The following NRXN1 variants were observed in gnomAD, a reference collection of about 807,000 sequenced individuals.
NRXN1 encodes the protein neurexin 1, also known as neurexin-1.
A neutral mutation model predicts 150.9 loss-of-function variants in NRXN1; 39 were observed. The ratio of observed to expected loss-of-function variants is 0.26; its 90% CI spans 0.20 to 0.34. The LOEUF is 0.34. Ranked by LOEUF, NRXN1 falls within the 10% of genes least tolerant of loss-of-function variation. The pLI is 1.00. For synonymous variants in NRXN1, 924 were observed against 757.0 expected (o/e 1.22, Z -3.62); for missense variants, 1,815 against 1,949.9 (o/e 0.93, Z 1.30).
At chr2:50,109,814 T>A (rs1702142783) in intron 18 of NRXN1, among the ~76,000 whole-genome samples, 1 of 152,132 alleles carries the variant, frequency 6.6e-6, no homozygotes, top group Non-Finnish European at 1.5e-5. Flanking sequence ...ATCTTTCACG[T>A]TTATTTGTAG....
In NRXN1 at chr2:50,718,916, T is replaced by C. The variant is rs965847025; in HGVS notation, c.833-95301A>G. 4.6e-5 allele frequency among the ~76,000 whole-genome samples: 7 copies of C among 151,992 alleles called. No individual in the cohort carries two copies. In the South Asian group the frequency reaches 1.2e-3, roughly 27 times the overall value. ...TAAGCTGATTAGATAAAACAGACCA[T>C]TTCAAACCTCTGCTTTAGGATGCGT... On this transcript the variant is annotated intron_variant, in intron 5 of 22. Transcript: ENST00000401669.
intron 13 of NRXN1, among the ~76,000 whole-genome samples, chr2:50,505,496 T>C (rs538259456): frequency 1.3e-5 from 2 of 152,326 alleles, no homozygotes; most frequent in Non-Finnish European, 2.9e-5. Flanking sequence ...TTCATTTCCA[T>C]GCCTTTTGAT....
chr2:50,635,408 T>C (rs2012769), intron 5 of NRXN1, among the ~76,000 whole-genome samples: 82,498 of 150,756 alleles, frequency 0.55, 22,766 homozygotes, highest in East Asian at 0.67. Flanking sequence ...CTCCCGACCT[T>C]GTGATCTGCC....
At chr2:49,978,300 A>G (rs1028406970) in intron 21 of NRXN1, among the ~76,000 whole-genome samples, 4 of 152,212 alleles carry the variant, frequency 2.6e-5, no homozygotes, top group Admixed American at 2.6e-4. Context: ...TGTGAGCAAG[A>G]AAGTGAACAA....
chr2:50,506,334 C>T (rs2092219332), intron 13 of NRXN1, among the ~76,000 whole-genome samples, 161 bp downstream of exon 13: 1 of 151,972 alleles, frequency 6.6e-6, no homozygotes, highest in Non-Finnish European at 1.5e-5. Context: ...ACCTAACAGA[C>T]TGCTTATTTA....
At chr2:50,281,342 C>T (rs1471842834) in intron 17 of NRXN1, among the ~76,000 whole-genome samples, 3 of 129,062 alleles carry the variant, frequency 2.3e-5, no homozygotes, top group African/African-American at 5.6e-5. Flanking sequence ...AATAATAATC[C>T]ATAATAGTAG....
chr2:50,506,579 T>C lies in NRXN1; in HGVS notation c.2413A>G (p.Asn805Asp). Residue 805 changes from asparagine to aspartate, a missense_variant, in exon 13 of 23, where the codon AAT becomes GAT. By Grantham distance (23) the Asn-to-Asp change is conservative. Coordinates refer to ENST00000401669, the MANE Select transcript of NRXN1 (RefSeq NM_001330078.2). ...CGCACTGTGTGCCACTCGTTATCAT[T>C]GAGGTTATAGCCAGCAAAAAGAGTC... The part of the protein sequence containing the change: ...PETLFAGYNL[N>D]DNEWHTVRVV... 6.2e-7 allele frequency: 1 copy of C among 1,613,408 alleles called. No homozygotes were observed. The highest frequency in any genetic ancestry group is 8.5e-7 in the Non-Finnish European group (1 of 1,179,548).
intron 5 of NRXN1, among the ~76,000 whole-genome samples, chr2:50,642,234 G>C (rs565027439): frequency 6.6e-6 from 1 of 151,942 alleles, no homozygotes; most frequent in African/African-American, 2.4e-5. Context: ...ATTAGACAGG[G>C]ATCCAGTTTA....
At chr2:50,908,936 G>A (rs1363760683) in intron 5 of NRXN1, among the ~76,000 whole-genome samples, 3 of 151,884 alleles carry the variant, frequency 2.0e-5, no homozygotes, top group Non-Finnish European at 4.4e-5. Flanking sequence ...CATGCTCTTC[G>A]ACTTCCCAGC....
intron 1 of NRXN1, among the ~76,000 whole-genome samples, chr2:51,029,804 G>A (rs1671189210): frequency 6.6e-6 from 1 of 152,206 alleles, no homozygotes; most frequent in Non-Finnish European, 1.5e-5. Context: ...ATTGGAGCCA[G>A]ATTTATGTTT....
At chr2:50,001,201 A>G (rs1683858267) in intron 21 of NRXN1, among the ~76,000 whole-genome samples, 1 of 152,140 alleles carries the variant, frequency 6.6e-6, no homozygotes, top group Non-Finnish European at 1.5e-5. Flanking sequence ...CAGTGTCCTT[A>G]TCACAAACTG....
intron 18 of NRXN1, among the ~76,000 whole-genome samples, chr2:50,124,765 T>A (rs1314884025): frequency 6.6e-6 from 1 of 152,158 alleles, no homozygotes; most frequent in Non-Finnish European, 1.5e-5. Context: ...AATAATTTCA[T>A]CAGTAAATAT....
At chr2:50,253,865 G>C (rs1353594215) in intron 17 of NRXN1, among the ~76,000 whole-genome samples, 1 of 109,530 alleles carries the variant, frequency 9.1e-6, no homozygotes, top group Non-Finnish European at 2.0e-5. Flanking sequence ...ATATTGACCT[G>C]AAGTTTTCTT....
At chr2:50,955,469 A>G (rs2104632749) in intron 2 of NRXN1, among the ~76,000 whole-genome samples, 1 of 152,362 alleles carries the variant, frequency 6.6e-6, no homozygotes, top group Non-Finnish European at 1.5e-5. Flanking sequence ...GGCTTTTTAA[A>G]AAGTGACATT....
At chr2:50,180,451 T>G (rs567233092) in intron 18 of NRXN1, among the ~76,000 whole-genome samples, 5 of 152,186 alleles carry the variant, frequency 3.3e-5, no homozygotes, top group African/African-American at 9.6e-5. Flanking sequence ...CCAGAATATG[T>G]GTGTTGGATA....
chr2:50,575,849 G>A (rs1671365769), intron 8 of NRXN1, among the ~76,000 whole-genome samples: 1 of 151,968 alleles, frequency 6.6e-6, no homozygotes, highest in Non-Finnish European at 1.5e-5. Flanking sequence ...CTTTTTCTTT[G>A]GAGGCAAAGC....
chr2:51,025,553 A>G (rs533929393), intron 2 of NRXN1, among the ~76,000 whole-genome samples: 1 of 152,258 alleles, frequency 6.6e-6, no homozygotes, highest in Non-Finnish European at 1.5e-5. Flanking sequence ...TAAGGAAGGA[A>G]GCTATATTTC....
chr2:49,996,992 A>G (rs1303374702), intron 21 of NRXN1, among the ~76,000 whole-genome samples: 1 of 152,042 alleles, frequency 6.6e-6, no homozygotes, highest in Admixed American at 6.6e-5. Flanking sequence ...TGTATTTTTT[A>G]TTTTTATAAA....
At position 51,004,543 on chromosome 2, in the gene NRXN1, T is replaced by C. The variant is rs75835715; in HGVS notation, c.772+22959A>G. The stretch of plus-strand genomic sequence containing the variant: ...TTATAAATAAGCATTTGTAGGAGGC[T>C]GAGACAGGAGAATCGCTTGAACCTG... On this transcript the variant is annotated intron_variant, in intron 2 of 22. Transcript: ENST00000401669. 1.1e-3 allele frequency among the ~76,000 whole-genome samples: 166 copies of C among 152,054 alleles called. 2 individuals carry two copies. The East Asian group carries it at 0.032, about 29-fold the overall frequency.
Sources: allele counts gnomAD v4.1 joint callset (sites outside exome capture counted in the v4.1 genomes callset), GRCh38; gene constraint gnomAD v4.1.1; transcripts MANE v1.5; gene names NCBI Gene and HGNC (gene_info 2026-07-23, HGNC 2026-07-21).